PDE4DIP: variants seen among roughly 807,000 people sequenced by gnomAD.
PDE4DIP encodes myomegalin.
Under a neutral mutation model 221.4 loss-of-function variants are expected in PDE4DIP, and 59 were observed. That is an observed-to-expected ratio of 0.27 (90% CI 0.22 to 0.33). The LOEUF (loss-of-function observed/expected upper bound fraction) is 0.33. Among genes scored for constraint, PDE4DIP ranks in the 10% least tolerant of loss-of-function variants. The probability of loss-of-function intolerance (pLI) is 1.00; values close to 1 mark genes in which losing one functional copy is unlikely to be tolerated. For missense variants in PDE4DIP, 1,036 were observed against 2,154.2 expected, an observed-to-expected ratio of 0.48 and a Z score of 10.28; for synonymous variants, 404 against 815.9, an observed-to-expected ratio of 0.50 and a Z score of 8.60.
At position 149,000,325 on chromosome 1, in the gene PDE4DIP, C is replaced by T. The variant is rs660266; in HGVS notation, c.3138-1266C>T. 5.9e-3 allele frequency among the ~76,000 whole-genome samples: 891 copies of T among 152,294 alleles called. 8 individuals are homozygous for T. Among genetic ancestry groups the T allele is most frequent in the Non-Finnish European group, 9.4e-3 (637 of 68,026 alleles). On this transcript the variant is annotated intron_variant, in intron 23 of 43. Coordinates refer to ENST00000369354, the Ensembl canonical transcript of PDE4DIP. Reference sequence around the variant, plus strand: ...ATCTCAACACTTTGGGAGGCCAAGGCAGGCGGATCACCTGAGGTCAGGAGT... The same window carrying T: ...ATCTCAACACTTTGGGAGGCCAAGGTAGGCGGATCACCTGAGGTCAGGAGT...
At chr1:149,030,888 A>G in intron 43 of PDE4DIP, 2 of 524,002 alleles carry the variant, frequency 3.8e-6, no homozygotes, top group Non-Finnish European at 4.9e-6. Context: ...CATTTACTTA[A>G]AACACTAAGT....
chr1:148,917,215 A>T (rs2150058915), intron 1 of PDE4DIP, among the ~76,000 whole-genome samples: 1 of 152,070 alleles, frequency 6.6e-6, no homozygotes, highest in South Asian at 2.1e-4. Flanking sequence ...CCAAGATTCT[A>T]TTCTAACAGA....
chr1:149,006,732 ACT>A (rs1396971392), intron 27 of PDE4DIP: 4 of 127,872 alleles, frequency 3.1e-5, no homozygotes, highest in African/African-American at 1.2e-4. Context: ...ATACGGAGTC[ACT>A]CTGTCATCCA....
chr1:148,990,571 C>T (rs2062832860), intron 21 of PDE4DIP, among the ~76,000 whole-genome samples: 1 of 151,442 alleles, frequency 6.6e-6, no homozygotes, highest in Non-Finnish European at 1.5e-5. Context: ...AGAGTCTTGA[C>T]TTACTGGCGC....
intron 1 of PDE4DIP, among the ~76,000 whole-genome samples, chr1:148,846,425 C>T (rs1553382870): frequency 4.3e-5 from 1 of 23,244 alleles, no homozygotes; most frequent in Non-Finnish European, 7.3e-5. Flanking sequence ...GCCTGGGCAA[C>T]AAAAGCGAAA....
At chr1:148,940,403 C>T (rs1406691369) in intron 5 of PDE4DIP, among the ~76,000 whole-genome samples, 3 of 152,156 alleles carry the variant, frequency 2.0e-5, no homozygotes, top group African/African-American at 7.2e-5. Flanking sequence ...GTTGTTATTA[C>T]CCAATACGTT....
exon 27 of PDE4DIP, chr1:149,005,128 A>G (rs782376117): frequency 1.9e-6 from 3 of 1,613,934 alleles, no homozygotes; most frequent in East Asian, 2.2e-5. Flanking sequence ...CAGAATGCCA[A>G]CAAGGTCATT....
intron 1 of PDE4DIP, among the ~76,000 whole-genome samples, chr1:148,923,885 G>A (rs1315475416): frequency 2.0e-5 from 3 of 147,898 alleles, no homozygotes; most frequent in South Asian, 4.3e-4. Context: ...GAGGAAATTA[G>A]GTTGTAAAAG....
chr1:148,866,687 G>GA (rs1180712156), intron 2 of PDE4DIP, among the ~76,000 whole-genome samples: 51 of 51,304 alleles, frequency 9.9e-4, no homozygotes, highest in East Asian at 7.1e-3. Flanking sequence ...GGGGAAAAGA[G>GA]AAAAAATAAA....
At chr1:149,024,378 C>T in intron 37 of PDE4DIP, 67 bp from the exon 41 acceptor site, 6 of 1,303,050 alleles carry the variant, frequency 4.6e-6, no homozygotes, top group South Asian at 4.3e-5. Context: ...AAGAATGTCA[C>T]AGAGGAGGGT....
chr1:149,017,364 T>C (rs2071006953), intron 33 of PDE4DIP, among the ~76,000 whole-genome samples: 1 of 152,282 alleles, frequency 6.6e-6, no homozygotes. Flanking sequence ...CACTCACGTG[T>C]CAGTAAGAAG....
At chr1:148,942,056 C>A (rs587724017) in intron 5 of PDE4DIP, 31 of 152,278 alleles carry the variant, frequency 2.0e-4, no homozygotes, top group African/African-American at 7.2e-4. Flanking sequence ...ACTGAGAATA[C>A]CACAAACAGT....
chr1:148,973,177 CTT>C (rs781813705), intron 16 of PDE4DIP, among the ~76,000 whole-genome samples: 2 of 134,320 alleles, frequency 1.5e-5, no homozygotes. Context: ...CTTCTAGGAC[CTT>C]TTTTTTTTTT....
At chr1:149,030,115 G>A (rs1408606886) in intron 42 of PDE4DIP, 117 bp from the exon 46 acceptor site, 4 of 934,310 alleles carry the variant, frequency 4.3e-6, no homozygotes, top group South Asian at 1.6e-5. Flanking sequence ...GTGGATAGAA[G>A]GAGACTCCAA....
chr1:148,820,207 G>A (rs2799317), intron 1 of PDE4DIP, among the ~76,000 whole-genome samples: 1 of 94,434 alleles, frequency 1.1e-5, no homozygotes, highest in African/African-American at 4.3e-5. Flanking sequence ...GATTACAGGT[G>A]TGAGCCACTG....
chr1:148,936,818 A>G (rs1386818563), intron 4 of PDE4DIP, among the ~76,000 whole-genome samples: 6 of 151,788 alleles, frequency 4.0e-5, no homozygotes, highest in African/African-American at 1.5e-4. Context: ...ACTGTCTTCC[A>G]CCTTTACATC....
At chr1:149,013,222 C>G (rs1424928766) in intron 32 of PDE4DIP, among the ~76,000 whole-genome samples, 1 of 151,802 alleles carries the variant, frequency 6.6e-6, no homozygotes, top group Non-Finnish European at 1.5e-5. Context: ...AGTTCAGTTC[C>G]TGATATCATT....
At position 149,015,879 on chromosome 1, in the gene PDE4DIP, A is replaced by G. The variant is rs587720833; in HGVS notation, c.5267-420A>G. 4.0e-3 allele frequency among the ~76,000 whole-genome samples: 603 copies of G among 152,080 alleles called. 2 individuals carry two copies. The highest frequency in any genetic ancestry group is 7.0e-3 in the Non-Finnish European group (476 of 67,998). ...TGACTAGTTAGTTTCAGGGGAAGGC[A>G]AGTACATGTAGACAAACAGATGTTC... On this transcript the variant is annotated intron_variant, in intron 32 of 43. Transcript: ENST00000369354.
chr1:148,991,745 C>A (rs2063114883), intron 21 of PDE4DIP, 140 bp from the exon 25 acceptor site: 3 of 714,856 alleles, frequency 4.2e-6, no homozygotes, highest in Admixed American at 2.8e-5. Flanking sequence ...TCCAGCCCTG[C>A]TGGCTAGGGA....
Sources: gnomAD v4.1 joint callset for allele counts (sites outside exome capture counted in the v4.1 genomes callset) on GRCh38, gnomAD v4.1.1 for gene constraint, MANE v1.5 for transcripts, NCBI Gene and HGNC (gene_info 2026-07-23, HGNC 2026-07-21) for gene names.